The following EML6 variants were observed in gnomAD, a reference collection of about 807,000 sequenced individuals.
EML6 encodes EMAP like 6.
EML6 carries 154 observed loss-of-function variants against 240.1 expected under a neutral mutation model. The ratio of observed to expected loss-of-function variants is 0.64; its 90% CI spans 0.56 to 0.73. EML6 has a LOEUF of 0.73. Ranked by LOEUF, EML6 falls within the 30% of genes least tolerant of loss-of-function variation. The probability of loss-of-function intolerance (pLI) is 0.00; values close to 1 mark genes in which losing one functional copy is unlikely to be tolerated. For synonymous variants in EML6, 1,148 were observed against 899.0 expected (o/e 1.28, Z -4.95); for missense variants, 2,964 against 2,474.6 (o/e 1.20, Z -4.20).
At chr2:54,938,416 C>A in intron 28 of EML6, among the ~76,000 whole-genome samples, 1 of 152,188 alleles carries the variant, frequency 6.6e-6, no homozygotes, top group South Asian at 2.1e-4. Flanking sequence ...GTTAGGGCTT[C>A]CCAAGTCCCT....
intron 25 of EML6, among the ~76,000 whole-genome samples, chr2:54,912,844 A>G (rs923466956): frequency 6.6e-6 from 1 of 152,136 alleles, no homozygotes. Flanking sequence ...TAGCTTTGCT[A>G]TTGTGAATAG....
In EML6 at chr2:54,950,858, G is replaced by C. The variant is rs1289405956; in HGVS notation, c.4213+79G>C. 7.0e-6 allele frequency: 10 copies of C among 1,427,144 alleles called. No individual in the cohort carries two copies. In the Admixed American group the frequency reaches 2.3e-4, roughly 32 times the overall value. The allele number at this position is 1,427,144 out of a possible 1,614,324, so 88.4% of individuals were successfully genotyped here. On this transcript the variant is annotated intron_variant, in intron 30 of 41. Coordinates refer to ENST00000356458, the MANE Select transcript of EML6 (RefSeq NM_001039753.4). Reference sequence around the variant, plus strand: ...TTCCCCACTCTTTAGATGCCCAAAAGCTTAAGCATTTTCCTTCCCTTATAG... The same window carrying C: ...TTCCCCACTCTTTAGATGCCCAAAACCTTAAGCATTTTCCTTCCCTTATAG...
intron 17 of EML6, among the ~76,000 whole-genome samples, chr2:54,883,670 C>T (rs1197201384): frequency 6.6e-6 from 1 of 152,150 alleles, no homozygotes; most frequent in Non-Finnish European, 1.5e-5. Flanking sequence ...TTATTCTCGC[C>T]ATCTAAGATC....
chr2:54,820,541 G>C (rs755567407), intron 5 of EML6, 79 bp downstream of exon 5: 4 of 835,280 alleles, frequency 4.8e-6, no homozygotes, highest in Non-Finnish European at 7.7e-6. Flanking sequence ...TTGATGTTGA[G>C]AGACTGCTAG....
At chr2:54,889,083 T>C (rs1172972802) in intron 17 of EML6, among the ~76,000 whole-genome samples, 1 of 152,224 alleles carries the variant, frequency 6.6e-6, no homozygotes, top group African/African-American at 2.4e-5. Context: ...TGTAAAACCT[T>C]GTCTTTGTTA....
chr2:54,813,288 CA>C lies in EML6; in HGVS notation c.255del (p.Tyr86IlefsTer36), dbSNP rs1039529582. Reference protein sequence around the residue: ...LVATGQVGKEPYICIWDSYNV... With the variant: ...LVATGQVGKEXYICIWDSYNV... ...GCAACTGGCCAAGTCGGGAAGGAGC[CA>C]TATATATGCATATGGGATTCCTATA... On this transcript the variant is annotated frameshift_variant, in exon 3 of 42. Transcript: ENST00000356458. LOFTEE classifies it high-confidence loss of function. 6.5e-7 allele frequency: 1 copy of C among 1,549,558 alleles called. No individual in the cohort carries two copies. Among genetic ancestry groups the C allele is most frequent in the African/African-American group, 1.4e-5 (1 of 73,006 alleles).
intron 21 of EML6, among the ~76,000 whole-genome samples, chr2:54,896,745 C>T (rs1012409108): frequency 6.6e-6 from 1 of 152,186 alleles, no homozygotes; most frequent in African/African-American, 2.4e-5. Flanking sequence ...ATCCCCAAAT[C>T]CCACTGAGAG....
intron 2 of EML6, among the ~76,000 whole-genome samples, chr2:54,799,431 T>C (rs1414673535): frequency 1.3e-5 from 2 of 151,976 alleles, no homozygotes; most frequent in South Asian, 2.1e-4. Context: ...CTGCAACCTC[T>C]GACTCCCTGA....
chr2:54,878,703 A>G (rs1195354111), intron 16 of EML6, among the ~76,000 whole-genome samples: 1 of 152,244 alleles, frequency 6.6e-6, no homozygotes. Context: ...AAACTAGACA[A>G]TAAGCAGTTA....
At chr2:54,871,835 C>T (rs943828732) in intron 16 of EML6, among the ~76,000 whole-genome samples, 8 of 152,210 alleles carry the variant, frequency 5.3e-5, no homozygotes, top group South Asian at 2.1e-4. Flanking sequence ...GATTACACAC[C>T]GCTTCCCATC....
chr2:54,803,035 C>T (rs908361528), intron 2 of EML6, among the ~76,000 whole-genome samples: 4 of 152,238 alleles, frequency 2.6e-5, no homozygotes, highest in Non-Finnish European at 5.9e-5. Flanking sequence ...TGCCCACTTA[C>T]TCCTCCAAAC....
intron 3 of EML6, among the ~76,000 whole-genome samples, chr2:54,816,206 T>C (rs1668075538): frequency 6.6e-6 from 1 of 152,248 alleles, no homozygotes; most frequent in African/African-American, 2.4e-5. Flanking sequence ...GGTTGCATTT[T>C]ATTCTTACTT....
Position 54,867,965 on chromosome 2 carries a change from A to G in EML6, c.2051+1081A>G, listed in dbSNP as rs913619996. The G allele has an allele frequency of 2.0e-5, 3 of 152,154 alleles. No homozygotes were observed. In the South Asian group the frequency reaches 6.2e-4, roughly 32 times the overall value. 9.4% of individuals were successfully genotyped at this position (152,154 alleles called of 1,614,324 possible). ...TCCTAAGACTCTAACTCAGCCCAAT[A>G]CAATATCCACTAGCCACACACAGTC... On this transcript the variant is annotated intron_variant, in intron 14 of 41. Transcript: ENST00000356458.
In EML6 at chr2:54,847,507, T is replaced by C. The variant is rs554407191; in HGVS notation, c.1071T>C (p.His357=). Residue 357 remains histidine, a synonymous_variant, in exon 9 of 42, where the codon CAT becomes CAC. Coordinates refer to ENST00000356458, the MANE Select transcript of EML6 (RefSeq NM_001039753.4). ...CTAGGCTGTGGAGCCTGGCTGATCA[T>C]GCCTTGATCGCCCGCTGTAACATGG... ...RSVRLWSLAD[H]ALIARCNMEE... is the part of the protein sequence containing the mutation. 1.3e-6 allele frequency: 2 copies of C among 1,551,796 alleles called. No individual in the cohort carries two copies. The highest frequency in any genetic ancestry group is 1.2e-5 in the South Asian group (1 of 84,056).
At position 54,901,697 on chromosome 2, in the gene EML6, A is replaced by T. The variant is rs559957067; in HGVS notation, c.3125-1347A>T. Reference sequence around the variant, plus strand: ...GTATTTTCATTGTCTCAGTACTGGCACGTCAGTTTTGAGCATGAACACAGC... The same window carrying T: ...GTATTTTCATTGTCTCAGTACTGGCTCGTCAGTTTTGAGCATGAACACAGC... On this transcript the variant is annotated intron_variant, in intron 22 of 41. Transcript: ENST00000356458. 3.2e-3 allele frequency among the ~76,000 whole-genome samples: 483 copies of T among 152,328 alleles called. 1 individual carries two copies. Among genetic ancestry groups the T allele is most frequent in the Middle Eastern group, 0.01 (3 of 294 alleles).
At chr2:54,907,400 G>C (rs1673381565) in intron 24 of EML6, among the ~76,000 whole-genome samples, 1 of 152,118 alleles carries the variant, frequency 6.6e-6, no homozygotes, top group Non-Finnish European at 1.5e-5. Context: ...CCAGCTACTT[G>C]GGAGGCTGAG....
intron 2 of EML6, among the ~76,000 whole-genome samples, chr2:54,754,838 C>T (rs1409011542): frequency 6.6e-6 from 1 of 152,138 alleles, no homozygotes; most frequent in Non-Finnish European, 1.5e-5. Flanking sequence ...CAGAAATGTT[C>T]TATGTTTGTA....
At chr2:54,926,809 C>T (rs1308935351) in intron 26 of EML6, among the ~76,000 whole-genome samples, 2 of 152,180 alleles carry the variant, frequency 1.3e-5, no homozygotes, top group East Asian at 3.9e-4. Flanking sequence ...CCTTTTTTCC[C>T]CTCTGCAACC....
At chr2:54,771,369 C>G (rs908622298) in intron 2 of EML6, among the ~76,000 whole-genome samples, 4 of 152,248 alleles carry the variant, frequency 2.6e-5, no homozygotes, top group Admixed American at 2.0e-4. Flanking sequence ...ATTCCTTACT[C>G]ATACAAGAGC....
Sources: gnomAD v4.1 joint callset for allele counts (sites outside exome capture counted in the v4.1 genomes callset) on GRCh38, gnomAD v4.1.1 for gene constraint, MANE v1.5 for transcripts, NCBI Gene and HGNC (gene_info 2026-07-23, HGNC 2026-07-21) for gene names.